The following OLFM1 variants were observed in gnomAD, a reference collection of about 807,000 sequenced individuals.
The protein encoded by OLFM1 is noelin.
Under a neutral mutation model 49.7 loss-of-function variants are expected in OLFM1, and 9 were observed. The ratio of observed to expected loss-of-function variants is 0.18; its 90% CI spans 0.11 to 0.32. The LOEUF (loss-of-function observed/expected upper bound fraction) is 0.32. OLFM1 is among the 10% of genes least tolerant of loss of function. The pLI is 1.00. For missense variants in OLFM1, 369 were observed against 661.8 expected (o/e 0.56, Z 4.85); for synonymous variants, 240 against 271.8 (o/e 0.88, Z 1.15).
chr9:135,087,149 C>A, upstream of OLFM1: 1 of 1,236,268 alleles, frequency 8.1e-7, no homozygotes, highest in Non-Finnish European at 1.1e-6. Context: ...AGCTCTCCAC[C>A]GATGCCCCGA....
chr9:135,119,812 G>A lies in OLFM1; in HGVS notation c.1092G>A (p.Leu364=), dbSNP rs1274484174. The change falls in exon 6 of 6, where the codon CTG becomes CTA. Residue 364 remains leucine (L), a synonymous_variant. Transcript: ENST00000371793. ...DIDLMVDESG[L]WAVYATNQNA... ...ACCTCATGGTGGACGAGAGCGGGCT[G>A]TGGGCCGTGTACGCCACCAACCAGA... 1.9e-6 allele frequency: 3 copies of A among 1,613,792 alleles called. No individual in the cohort carries two copies. In the African/African-American group the frequency reaches 4.0e-5, roughly 22 times the overall value.
At chr9:135,091,484 CAT>C (rs1288801196) in intron 2 of OLFM1, among the ~76,000 whole-genome samples, 397 of 151,088 alleles carry the variant, frequency 2.6e-3, no homozygotes, top group African/African-American at 9.3e-3. Context: ...CACATTCACA[CAT>C]AGTCACACAC....
At chr9:135,082,667 G>C (rs1251058538) in intron 1 of OLFM1, among the ~76,000 whole-genome samples, 3 of 152,174 alleles carry the variant, frequency 2.0e-5, no homozygotes, top group Non-Finnish European at 4.4e-5. Context: ...AGGCCACTCA[G>C]CCTCAGCATC....
chr9:135,119,855 G>T lies in OLFM1; in HGVS notation c.1135G>T (p.Val379Phe), dbSNP rs753259000. Residue 379 changes from valine to phenylalanine, a missense_variant, in exon 6 of 6, where the codon GTC becomes TTC. Coordinates refer to ENST00000371793, the MANE Select transcript of OLFM1 (RefSeq NM_001282611.2). ...ATNQNAGNIV[V>F]SRLDPVSLQT... is the part of the protein sequence containing the mutation. ...CAACCAGAACGCTGGCAACATCGTG[G>T]TCAGTAGGCTGGACCCCGTGTCCCT... The T allele has an allele frequency of 6.2e-7, 1 of 1,613,712 alleles. No individual in the cohort carries two copies. The highest frequency in any genetic ancestry group is 1.1e-5 in the South Asian group (1 of 91,088).
chr9:135,079,252 C>T (rs561574095), intron 1 of OLFM1, among the ~76,000 whole-genome samples: 1 of 152,244 alleles, frequency 6.6e-6, no homozygotes, highest in South Asian at 2.1e-4. Flanking sequence ...AAGCTGGAGG[C>T]AGCTCTGGAG....
At chr9:135,077,335 C>A in intron 1 of OLFM1, 1 of 1,338,610 alleles carries the variant, frequency 7.5e-7, no homozygotes, top group Non-Finnish European at 9.7e-7. Flanking sequence ...GCCCTCCAAG[C>A]CTTAATGGCA....
At chr9:135,078,580 G>T (rs750441908) in intron 1 of OLFM1, among the ~76,000 whole-genome samples, 28 of 152,232 alleles carry the variant, frequency 1.8e-4, no homozygotes, top group Non-Finnish European at 3.4e-4. Flanking sequence ...ACATGGTCTT[G>T]CTCTGTGATT....
At chr9:135,090,488 C>G in intron 2 of OLFM1, 144 bp downstream of exon 2, 2 of 848,300 alleles carry the variant, frequency 2.4e-6, no homozygotes, top group Admixed American at 2.4e-5. Context: ...TTTGTCTCCA[C>G]TCAAAATATT....
At position 135,076,778 on chromosome 9, in the gene OLFM1, T is replaced by G; in HGVS notation, c.96+976T>G. On this transcript the variant is annotated intron_variant, in intron 1 of 5. Transcript: ENST00000252854. The stretch of plus-strand genomic sequence containing the variant: ...CCCAAGCCCCAGCTGCCCCTGACCC[T>G]TCTTTCCTTCCTCCCTTCCTCCATC... 3 of 1,507,634 alleles carry G rather than the reference T, an allele frequency of 2.0e-6. No homozygotes were observed. In the South Asian group the frequency reaches 3.9e-5, roughly 20 times the overall value. 93.4% of individuals were successfully genotyped at this position (1,507,634 alleles called of 1,614,324 possible).
chr9:135,097,806 T>C (rs762440568), intron 3 of OLFM1: 2 of 1,613,744 alleles, frequency 1.2e-6, no homozygotes, highest in Non-Finnish European at 1.7e-6. Context: ...GTTTTTTCAA[T>C]GCTGCAGTGA....
chr9:135,078,282 C>T (rs74608271), intron 1 of OLFM1, among the ~76,000 whole-genome samples: 3,133 of 152,298 alleles, frequency 0.021, 106 homozygotes, highest in African/African-American at 0.072. Context: ...CTTTTAGCTC[C>T]TTCCAAGGGA....
intron 4 of OLFM1, among the ~76,000 whole-genome samples, chr9:135,102,969 T>A (rs1337713961): frequency 6.6e-6 from 1 of 152,184 alleles, no homozygotes; most frequent in Middle Eastern, 3.2e-3. Flanking sequence ...CTCTTGTGAA[T>A]AGCAAGAGGC....
At chr9:135,083,337 T>C (rs903879758), upstream of OLFM1, among the ~76,000 whole-genome samples, 8 of 152,198 alleles carry the variant, frequency 5.3e-5, no homozygotes, top group African/African-American at 1.9e-4. Context: ...GCTGAGACGA[T>C]ATCCATGAAA....
rs1830833911 is a variant in OLFM1 at position 135,098,844 on chromosome 9, A to G, written c.676+339A>G. On this transcript the variant is annotated intron_variant, in intron 4 of 5. Coordinates refer to ENST00000371793, the MANE Select transcript of OLFM1 (RefSeq NM_001282611.2). The surrounding 1 kb of genome is among the most constrained non-coding windows in gnomAD (Gnocchi z 5.6). ...AGACACCAGTTTAATAGGGCTGGCA[A>G]TAACATCTCAGATTCCTCCGGATTG... 6.6e-6 allele frequency among the ~76,000 whole-genome samples: 1 copy of G among 152,362 alleles called. No individual in the cohort carries two copies.
At chr9:135,119,276 A>G (rs1324686275) in intron 5 of OLFM1, among the ~76,000 whole-genome samples, 2 of 148,612 alleles carry the variant, frequency 1.3e-5, no homozygotes, top group African/African-American at 5.0e-5. Flanking sequence ...GGAAGTGCTC[A>G]CTTGGTCTTT....
At chr9:135,111,856 C>T (rs1170290130) in intron 5 of OLFM1, among the ~76,000 whole-genome samples, 2 of 151,302 alleles carry the variant, frequency 1.3e-5, no homozygotes, top group Non-Finnish European at 3.0e-5. Flanking sequence ...ATTACAGGCG[C>T]ATGCCATCAC....
chr9:135,100,699 G>T (rs1323350637), intron 4 of OLFM1, among the ~76,000 whole-genome samples: 1 of 152,174 alleles, frequency 6.6e-6, no homozygotes, highest in Non-Finnish European at 1.5e-5. Flanking sequence ...CTCCCCCAAG[G>T]CATTTCCCCT....
intron 5 of OLFM1, among the ~76,000 whole-genome samples, chr9:135,107,181 A>G (rs1173292054): frequency 6.6e-6 from 1 of 151,442 alleles, no homozygotes; most frequent in Non-Finnish European, 1.5e-5. Context: ...CTGGTGCCCC[A>G]AGTCCATTTC....
chr9:135,090,427 C>A, intron 2 of OLFM1, 83 bp downstream of exon 2: 2 of 1,408,180 alleles, frequency 1.4e-6, no homozygotes, highest in Non-Finnish European at 9.7e-7. Flanking sequence ...TGTGCTCACA[C>A]CAGCACCAAG....
Sources: allele counts gnomAD v4.1 joint callset (sites outside exome capture counted in the v4.1 genomes callset), GRCh38; gene constraint gnomAD v4.1.1; non-coding constraint Gnocchi (gnomAD v3.1); transcripts MANE v1.5; gene names NCBI Gene and HGNC (gene_info 2026-07-23, HGNC 2026-07-21).